PIK3C2G: variants seen among roughly 807,000 people sequenced by gnomAD.
PIK3C2G encodes the protein phosphatidylinositol-4-phosphate 3-kinase catalytic subunit type 2 gamma.
Under a neutral mutation model 181.1 loss-of-function variants are expected in PIK3C2G, and 168 were observed. The observed-to-expected ratio is 0.93, with a 90% CI of 0.82 to 1.05. The LOEUF (loss-of-function observed/expected upper bound fraction) is 1.05, where lower values mean the gene tolerates loss of function less well. PIK3C2G is among the 50% of genes least tolerant of loss of function. PIK3C2G has a pLI of 0.00. For missense variants in PIK3C2G, 1,869 were observed against 1,732.8 expected, an observed-to-expected ratio of 1.08 and a Z score of -1.40; for synonymous variants, 573 against 592.2, an observed-to-expected ratio of 0.97 and a Z score of 0.47.
chr12:18,612,384 C>G (rs1948386241), intron 31 of PIK3C2G, among the ~76,000 whole-genome samples: 1 of 152,098 alleles, frequency 6.6e-6, no homozygotes, highest in Non-Finnish European at 1.5e-5. Flanking sequence ...TTTCTACTTT[C>G]TTTCCTCCCC....
chr12:18,448,310 C>T (rs1157666629), intron 18 of PIK3C2G, among the ~76,000 whole-genome samples: 2 of 152,052 alleles, frequency 1.3e-5, no homozygotes, highest in East Asian at 1.9e-4. Context: ...TTAATATACA[C>T]ACAATGATGT....
chr12:18,621,379 C>T (rs1467058537), intron 31 of PIK3C2G, among the ~76,000 whole-genome samples: 1 of 151,844 alleles, frequency 6.6e-6, no homozygotes, highest in Middle Eastern at 3.2e-3. Flanking sequence ...TCAGAAGACA[C>T]TTCAGTGACA....
chr12:18,420,977 A>T lies in PIK3C2G; in HGVS notation c.2352A>T (p.Gln784His). 6.2e-7 allele frequency: 1 copy of T among 1,605,902 alleles called. No homozygotes were observed. Among genetic ancestry groups the T allele is most frequent in the Non-Finnish European group, 8.5e-7 (1 of 1,173,020 alleles). ...AAGAAATTCGTAAAGTGGCAGTTCA[A>T]CAATTAGACAACCTCTTGAATGATG... ...PDQEIRKVAV[Q>H]QLDNLLNDEL... Residue 784 changes from glutamine to histidine, a missense_variant, in exon 17 of 33, where the codon CAA becomes CAT. Physicochemically the swap from Gln to His is conservative, Grantham distance 24. Transcript: ENST00000538779.
intron 12 of PIK3C2G, among the ~76,000 whole-genome samples, chr12:18,369,303 C>G (rs550520429): frequency 6.6e-6 from 1 of 152,284 alleles, no homozygotes; most frequent in South Asian, 2.1e-4. Flanking sequence ...TTCTCACCTA[C>G]TGTAAACATA....
At position 18,297,335 on chromosome 12, in the gene PIK3C2G, A is replaced by G. The variant is rs189599062; in HGVS notation, c.1034+3320A>G. On this transcript the variant is annotated intron_variant, in intron 5 of 32. Coordinates refer to ENST00000538779, the MANE Select transcript of PIK3C2G (RefSeq NM_001288772.2). ...AGGAGCGCAGGTTTTTCTGTTTCTC[A>G]ATCCTAACCAAAAAACCACTCCAGT... 6.6e-5 allele frequency among the ~76,000 whole-genome samples: 10 copies of G among 152,100 alleles called. No individual in the cohort carries two copies. In the East Asian group the frequency reaches 1.4e-3, roughly 21 times the overall value.
chr12:18,634,273 G>A (rs1949492149), intron 31 of PIK3C2G, among the ~76,000 whole-genome samples: 1 of 152,182 alleles, frequency 6.6e-6, no homozygotes, highest in African/African-American at 2.4e-5. Flanking sequence ...GAAGCATGAT[G>A]ATAGATCCCT....
chr12:18,568,308 C>T (rs541746931), intron 29 of PIK3C2G, among the ~76,000 whole-genome samples: 73 of 151,998 alleles, frequency 4.8e-4, no homozygotes, highest in African/African-American at 1.7e-3. Flanking sequence ...ACGCCAAGCC[C>T]AAGTTGTTAG....
chr12:18,297,342 AC>A (rs1055301268), intron 5 of PIK3C2G, among the ~76,000 whole-genome samples: 3 of 151,902 alleles, frequency 2.0e-5, no homozygotes, highest in African/African-American at 7.3e-5. Flanking sequence ...CTCAATCCTA[AC>A]CAAAAAACCA....
At chr12:18,279,789 T>C (rs1949134932) in intron 1 of PIK3C2G, among the ~76,000 whole-genome samples, 1 of 150,168 alleles carries the variant, frequency 6.7e-6, no homozygotes, top group Non-Finnish European at 1.5e-5. Flanking sequence ...ATTCTTATAA[T>C]AGCTTTAAAT....
chr12:18,295,905 A>C (rs1315322358), intron 5 of PIK3C2G, among the ~76,000 whole-genome samples: 3 of 152,060 alleles, frequency 2.0e-5, no homozygotes, highest in Admixed American at 6.6e-5. Flanking sequence ...TTGTCTAAAA[A>C]ATATGTCCTT....
At chr12:18,344,979 CA>C (rs1939524437) in intron 10 of PIK3C2G, among the ~76,000 whole-genome samples, 1 of 151,966 alleles carries the variant, frequency 6.6e-6, no homozygotes, top group Non-Finnish European at 1.5e-5. Context: ...GCATGAAAAG[CA>C]AAAAGTAGAG....
chr12:18,297,315 C>T (rs141006806), intron 5 of PIK3C2G, among the ~76,000 whole-genome samples: 2 of 151,802 alleles, frequency 1.3e-5, no homozygotes, highest in South Asian at 2.1e-4. Context: ...TTACTAGGAG[C>T]GCAGGTTTTT....
chr12:18,446,256 T>A (rs1947018778), intron 18 of PIK3C2G, among the ~76,000 whole-genome samples: 1 of 152,090 alleles, frequency 6.6e-6, no homozygotes, highest in South Asian at 2.1e-4. Context: ...ACTCCACCAT[T>A]TCCCTGCCCC....
chr12:18,659,406 G>A, the PIK3C2G span, among the ~76,000 whole-genome samples: 1 of 152,116 alleles, frequency 6.6e-6, no homozygotes, highest in Non-Finnish European at 1.5e-5. Flanking sequence ...GGATTAAGCG[G>A]CTGACCTGAT....
chr12:18,643,131 TTATG>T (rs1445384034), intron 32 of PIK3C2G, among the ~76,000 whole-genome samples: 2 of 152,122 alleles, frequency 1.3e-5, no homozygotes, highest in Non-Finnish European at 2.9e-5. Flanking sequence ...ATTTCAAGCT[TTATG>T]TATTATAAGA....
intron 16 of PIK3C2G, among the ~76,000 whole-genome samples, chr12:18,412,146 G>A (rs74729668): frequency 0.026 from 3,886 of 152,184 alleles, 141 homozygotes; most frequent in African/African-American, 0.084. Context: ...GAGTAATGAC[G>A]ATTCCCAAGT....
At chr12:18,451,343 G>A (rs1046574148) in intron 18 of PIK3C2G, among the ~76,000 whole-genome samples, 9 of 152,158 alleles carry the variant, frequency 5.9e-5, no homozygotes, top group South Asian at 2.1e-4. Context: ...TAGCAATTGC[G>A]AGTGGGAGTT....
At chr12:18,564,447 G>A (rs757398269) in intron 28 of PIK3C2G, among the ~76,000 whole-genome samples, 24 of 149,624 alleles carry the variant, frequency 1.6e-4, no homozygotes, top group Non-Finnish European at 3.4e-4. Context: ...ATTTTTACTC[G>A]GCTTTCAGGA....
the PIK3C2G span, among the ~76,000 whole-genome samples, chr12:18,703,890 C>A: frequency 0.37 from 55,929 of 152,026 alleles, 12,437 homozygotes; most frequent in African/African-American, 0.62. Context: ...ATACAGAGGG[C>A]AATACCCAAA....
Sources: allele counts gnomAD v4.1 joint callset (sites outside exome capture counted in the v4.1 genomes callset), GRCh38; gene constraint gnomAD v4.1.1; transcripts MANE v1.5; gene names NCBI Gene and HGNC (gene_info 2026-07-23, HGNC 2026-07-21).